DRC10: variants seen among roughly 807,000 people sequenced by gnomAD.
DRC10 encodes the protein dynein regulatory complex subunit 10, also known as IQ domain-containing protein D.
At chr12:113,208,071 A>G in the DRC10 span, 11 of 1,614,204 alleles carry the variant, frequency 6.8e-6, no homozygotes, top group Non-Finnish European at 9.3e-6. Flanking sequence ...GTTTTAGTGG[A>G]TCAGCTGGCC....
At chr12:113,219,525 T>A in the DRC10 span, among the ~76,000 whole-genome samples, 2 of 152,234 alleles carry the variant, frequency 1.3e-5, no homozygotes, top group Non-Finnish European at 2.9e-5. Context: ...AATTGAGTTG[T>A]CCTCTTATTG....
chr12:113,220,440 G>A, the DRC10 span, among the ~76,000 whole-genome samples: 1 of 151,782 alleles, frequency 6.6e-6, no homozygotes, highest in Non-Finnish European at 1.5e-5. Flanking sequence ...TTTCAGTAGA[G>A]ATGGGGTTTC....
the DRC10 span, chr12:113,208,175 C>A: frequency 6.2e-7 from 1 of 1,606,178 alleles, no homozygotes; most frequent in South Asian, 1.1e-5. Flanking sequence ...ATCTTGTGAG[C>A]AGCCCTCTGT....
chr12:113,201,884 C>T, the DRC10 span, among the ~76,000 whole-genome samples: 24 of 152,342 alleles, frequency 1.6e-4, no homozygotes, highest in Admixed American at 9.1e-4. Flanking sequence ...GGAATATGAT[C>T]GGCAGTCAGA....
the DRC10 span, chr12:113,200,764 T>C: frequency 6.5e-7 from 1 of 1,534,960 alleles, no homozygotes; most frequent in Admixed American, 2.0e-5. Flanking sequence ...CTTGAGCACC[T>C]GGTGCAGGTG....
At chr12:113,201,958 C>T in the DRC10 span, among the ~76,000 whole-genome samples, 1 of 152,200 alleles carries the variant, frequency 6.6e-6, no homozygotes, top group Non-Finnish European at 1.5e-5. Flanking sequence ...CACTGAGGTT[C>T]AATGACATGA....
the DRC10 span, chr12:113,207,624 C>G: frequency 6.2e-7 from 1 of 1,614,132 alleles, no homozygotes; most frequent in Non-Finnish European, 8.5e-7. Flanking sequence ...CAATAAAATT[C>G]TGGGCTTCTG....
At chr12:113,203,685 AG>A in the DRC10 span, among the ~76,000 whole-genome samples, 1 of 151,882 alleles carries the variant, frequency 6.6e-6, no homozygotes, top group Non-Finnish European at 1.5e-5. Context: ...CATGTTGGTC[AG>A]GCTGGTCTCG....
the DRC10 span, chr12:113,200,143 G>A: frequency 3.0e-6 from 1 of 338,900 alleles, no homozygotes; most frequent in South Asian, 2.3e-5. Context: ...ACCAATGTTA[G>A]CATTTTCATT....
the DRC10 span, chr12:113,197,514 G>A: frequency 1.2e-5 from 17 of 1,464,920 alleles, no homozygotes; most frequent in African/African-American, 7.0e-5. Context: ...AAAAGCATGC[G>A]AGAGAGACTT....
the DRC10 span, chr12:113,208,446 C>A: frequency 1.1e-6 from 1 of 947,512 alleles, no homozygotes; most frequent in Non-Finnish European, 1.4e-6. Flanking sequence ...GCAGGAAGAC[C>A]AAGTGTGGAG....
At chr12:113,200,850 C>G in the DRC10 span, 1 of 1,450,300 alleles carries the variant, frequency 6.9e-7, no homozygotes, top group Non-Finnish European at 9.2e-7. Flanking sequence ...TTAATACCTC[C>G]ATGCCCAGCC....
the DRC10 span, chr12:113,207,681 G>T: frequency 6.2e-7 from 1 of 1,614,118 alleles, no homozygotes; most frequent in Non-Finnish European, 8.5e-7. Flanking sequence ...CAGCCTGGGG[G>T]TTGCTGAGCA....
the DRC10 span, among the ~76,000 whole-genome samples, chr12:113,213,985 T>G: frequency 2.6e-5 from 4 of 152,050 alleles, no homozygotes; most frequent in African/African-American, 7.2e-5. Context: ...AAGGTCTTGC[T>G]ATGTTGCCCA....
At chr12:113,207,767 T>C in the DRC10 span, 1 of 1,614,164 alleles carries the variant, frequency 6.2e-7, no homozygotes, top group Non-Finnish European at 8.5e-7. Flanking sequence ...TGCAGCTCTA[T>C]GGAAAGGAGG....
the DRC10 span, among the ~76,000 whole-genome samples, chr12:113,211,638 C>CA: frequency 0.017 from 2,562 of 151,572 alleles, 56 homozygotes; most frequent in African/African-American, 0.058. Context: ...CTTAAAAAAA[C>CA]AAAAAAACAA....
the DRC10 span, among the ~76,000 whole-genome samples, chr12:113,199,257 A>G: frequency 6.6e-6 from 1 of 152,172 alleles, no homozygotes; most frequent in Admixed American, 6.5e-5. Context: ...ATTTGTAATT[A>G]GCCAGACGTG....
chr12:113,208,237 T>C, the DRC10 span: 1 of 1,518,696 alleles, frequency 6.6e-7, no homozygotes, highest in Middle Eastern at 2.4e-4. Flanking sequence ...TTGGGTCTCG[T>C]GCTTTTATTG....
chr12:113,203,498 CAG>C, the DRC10 span, among the ~76,000 whole-genome samples: 2 of 131,034 alleles, frequency 1.5e-5, no homozygotes, highest in Admixed American at 1.7e-4. Context: ...TTCATTGAGA[CAG>C]AGTCTCACTC....
Sources: gnomAD v4.1 joint callset for allele counts (sites outside exome capture counted in the v4.1 genomes callset) on GRCh38, gnomAD v4.1.1 for gene constraint, MANE v1.5 for transcripts, NCBI Gene and HGNC (gene_info 2026-07-23, HGNC 2026-07-21) for gene names.